The following NRG2 variants were observed in gnomAD, a reference collection of about 807,000 sequenced individuals.
The protein encoded by NRG2 is pro-neuregulin-2, membrane-bound isoform.
Under a neutral mutation model 73.9 loss-of-function variants are expected in NRG2, and 27 were observed. The ratio of observed to expected loss-of-function variants is 0.37; its 90% confidence interval spans 0.27 to 0.50. The LOEUF (loss-of-function observed/expected upper bound fraction) is 0.50, where lower values mean the gene tolerates loss of function less well. Among genes scored for constraint, NRG2 ranks in the 20% least tolerant of loss-of-function variants. The pLI is 0.96. For synonymous variants in NRG2, 532 were observed against 541.0 expected, an observed-to-expected ratio of 0.98 and a Z score of 0.23; for missense variants, 1,126 against 1,210.1, an observed-to-expected ratio of 0.93 and a Z score of 1.03.
intron 1 of NRG2, among the ~76,000 whole-genome samples, chr5:140,022,403 G>C (rs1760314994): frequency 6.6e-6 from 1 of 152,108 alleles, no homozygotes; most frequent in South Asian, 2.1e-4. Context: ...GTACCCTTAT[G>C]ATTTCACCAT....
Position 140,042,777 on chromosome 5 carries a change from G to T in NRG2, c.293C>A (p.Ala98Asp). The change falls in exon 1 of 10, where the codon GCC becomes GAC. Residue 98 changes from alanine to aspartate, a missense_variant. Physicochemically the swap from Ala to Asp is moderately radical, Grantham distance 126. Transcript: ENST00000361474. ...AAAGGMRRDP[A>D]PGFSMLLFGV... ...GAAGAGCAGCATGGAGAAGCCGGGG[G>T]CCGGGTCGCGCCTCATGCCGCCGGC... The T allele has an allele frequency of 6.5e-7, 1 of 1,526,928 alleles. No homozygotes were observed. The highest frequency in any genetic ancestry group is 8.8e-7 in the Non-Finnish European group (1 of 1,138,182). The allele number at this position is 1,526,928 out of a possible 1,614,324, so 94.6% of individuals were successfully genotyped here.
rs1752025744 is a variant in NRG2 at position 139,925,922 on chromosome 5, C to T, written c.701-38411G>A. Among the ~76,000 whole-genome samples the T allele has an allele frequency of 2.6e-5, 4 of 152,368 alleles. No individual in the cohort carries two copies. The East Asian group carries it at 7.7e-4, about 29-fold the overall frequency. On this transcript the variant is annotated intron_variant, in intron 1 of 9. Coordinates refer to ENST00000361474, the MANE Select transcript of NRG2 (RefSeq NM_004883.3). ...CCCAAGCAGCTCATCCATGGATGCA[C>T]TGAGGCAGCTCCTGACAGCTGGCCA...
chr5:139,867,787 T>TGTGTGTATGA (rs1762562920), intron 4 of NRG2, among the ~76,000 whole-genome samples: 14 of 137,158 alleles, frequency 1.0e-4, no homozygotes, highest in East Asian at 6.1e-4. Flanking sequence ...TGTGTGTGTG[T>TGTGTGTATGA]GTGTGTGTGT....
chr5:139,985,348 A>AT (rs1461376651), intron 1 of NRG2, among the ~76,000 whole-genome samples: 2 of 151,952 alleles, frequency 1.3e-5, no homozygotes, highest in African/African-American at 4.8e-5. Flanking sequence ...TCAAAAAAAA[A>AT]AAAAAAAAGT....
At chr5:139,866,389 C>T (rs1762473121) in intron 4 of NRG2, among the ~76,000 whole-genome samples, 1 of 152,030 alleles carries the variant, frequency 6.6e-6, no homozygotes, top group South Asian at 2.1e-4. Flanking sequence ...TTTTGAGGAA[C>T]CCTTGTGGTA....
intron 1 of NRG2, among the ~76,000 whole-genome samples, chr5:139,909,733 T>C (rs1230363617): frequency 6.6e-6 from 1 of 152,158 alleles, no homozygotes; most frequent in Non-Finnish European, 1.5e-5. Flanking sequence ...TTCCCAGTTA[T>C]CCAGAAGGAT....
chr5:139,876,714 T>C (rs922363273), intron 3 of NRG2, among the ~76,000 whole-genome samples: 1 of 152,004 alleles, frequency 6.6e-6, no homozygotes, highest in African/African-American at 2.4e-5. Flanking sequence ...TCAGGTCGAG[T>C]GCTCCTTTAT....
chr5:139,925,390 C>T (rs986170804), intron 1 of NRG2, among the ~76,000 whole-genome samples: 1 of 152,180 alleles, frequency 6.6e-6, no homozygotes, highest in Non-Finnish European at 1.5e-5. Flanking sequence ...GGACCTTCCT[C>T]TACATTCAAG....
rs116249905 is a variant in NRG2, at chr5:139,948,448, C to T, written c.701-60937G>A. 6.7e-3 allele frequency among the ~76,000 whole-genome samples: 1,016 copies of T among 152,280 alleles called. 4 individuals carry two copies. The highest frequency in any genetic ancestry group is 0.011 in the Non-Finnish European group (748 of 68,024). ...GCTTCACATATAATTGTTACCATCA[C>T]TTTGATTATCACTGCCACCATTCCA... On this transcript the variant is annotated intron_variant, in intron 1 of 9. Coordinates refer to ENST00000361474, the MANE Select transcript of NRG2 (RefSeq NM_004883.3).
chr5:139,847,943 C>T lies in NRG2; in HGVS notation c.2527G>A (p.Ala843Thr), dbSNP rs1761097254. The change falls in exon 10 of 10, where the codon GCC (alanine) becomes ACC (threonine). Residue 843 changes from alanine to threonine, a missense_variant. Physicochemically the swap from Ala to Thr is moderately conservative, Grantham distance 58 (BLOSUM62 0). This residue lies in a region of NRG2 where 402 missense variants were observed against 357.8 expected (regional missense o/e 1.12). Transcript: ENST00000361474. ...SRHSRGPPPR[A>T]KQDSAPL is the part of the protein sequence containing the mutation. ...TAGAGTGGCGCCGAGTCCTGCTTGG[C>T]CCGCGGGGGCGGCCCGCGGCTGTGT... 6.7e-7 allele frequency: 1 copy of T among 1,501,338 alleles called. No individual in the cohort carries two copies. Among genetic ancestry groups the T allele is most frequent in the Non-Finnish European group, 8.8e-7 (1 of 1,130,634 alleles). The allele number at this position is 1,501,338 out of a possible 1,614,324, so 93.0% of individuals were successfully genotyped here.
At chr5:139,895,921 G>A (rs57163327) in intron 1 of NRG2, among the ~76,000 whole-genome samples, 5,778 of 152,344 alleles carry the variant, frequency 0.038, 131 homozygotes, top group East Asian at 0.076. Flanking sequence ...AGGGCCAGCT[G>A]TGGGTGGACT....
Position 139,847,713 on chromosome 5 carries a change from C to A in NRG2, c.*204G>T. 2.7e-6 allele frequency: 1 copy of A among 375,838 alleles called. No homozygotes were observed. The highest frequency in any genetic ancestry group is 4.7e-6 in the Non-Finnish European group (1 of 214,026). The allele number at this position is 375,838 out of a possible 1,614,324, so 23.3% of individuals were successfully genotyped here. A position where few individuals can be genotyped will look rare whatever the true frequency, so the allele number is the denominator to read the frequency against. ...TCAGGATGTTACATATAAATAGTTT[C>A]CCTATAAAAACGCCTTTGCCGTTAG... is the stretch of plus-strand genomic sequence containing the variant. On this transcript the variant is annotated 3_prime_UTR_variant, in exon 10 of 10. Coordinates refer to ENST00000361474, the MANE Select transcript of NRG2 (RefSeq NM_004883.3).
At chr5:140,021,326 G>A (rs1266392097) in intron 1 of NRG2, among the ~76,000 whole-genome samples, 1 of 152,186 alleles carries the variant, frequency 6.6e-6, no homozygotes, top group African/African-American at 2.4e-5. Flanking sequence ...TGTTTTATGA[G>A]ACAAAGTCTG....
intron 1 of NRG2, among the ~76,000 whole-genome samples, chr5:139,945,269 ATTTG>A (rs1271225916): frequency 6.6e-6 from 1 of 151,862 alleles, no homozygotes; most frequent in African/African-American, 2.4e-5. Context: ...ATATAATCCC[ATTTG>A]TTTATTTTTG....
In NRG2 at chr5:139,960,641, T is replaced by C. The variant is rs984009466; in HGVS notation, c.701-73130A>G. Among the ~76,000 whole-genome samples the C allele has an allele frequency of 2.6e-5, 4 of 152,220 alleles. No homozygotes were observed. The East Asian group carries it at 7.7e-4, about 29-fold the overall frequency. Reference sequence around the variant, plus strand: ...GTGATTCAGTTTCCTCATCTGTAAATGGAAGTAATATAGCACCTGCATCCT... The same window carrying C: ...GTGATTCAGTTTCCTCATCTGTAAACGGAAGTAATATAGCACCTGCATCCT... On this transcript the variant is annotated intron_variant, in intron 1 of 9. Coordinates refer to ENST00000361474, the MANE Select transcript of NRG2 (RefSeq NM_004883.3).
At chr5:139,940,039 G>T (rs1753270071) in intron 1 of NRG2, among the ~76,000 whole-genome samples, 1 of 152,168 alleles carries the variant, frequency 6.6e-6, no homozygotes, top group African/African-American at 2.4e-5. Flanking sequence ...AGGTCAAATG[G>T]TACAGTTTGG....
chr5:139,889,768 C>A (rs1269631940), intron 1 of NRG2, among the ~76,000 whole-genome samples: 3 of 152,158 alleles, frequency 2.0e-5, no homozygotes, highest in Non-Finnish European at 2.9e-5. Context: ...GGCTTTCAAT[C>A]CAGACTTTGC....
intron 1 of NRG2, among the ~76,000 whole-genome samples, chr5:140,032,691 A>C (rs1317168389): frequency 6.6e-6 from 1 of 152,236 alleles, no homozygotes; most frequent in Admixed American, 6.5e-5. Flanking sequence ...ATACTGGCCC[A>C]TCAAAAGATA....
chr5:139,997,880 G>A (rs968144032), intron 1 of NRG2, among the ~76,000 whole-genome samples: 2 of 152,184 alleles, frequency 1.3e-5, no homozygotes, highest in Non-Finnish European at 2.9e-5. Context: ...GCCATGGGCC[G>A]GGTTTCCCGC....
Sources: allele counts gnomAD v4.1 joint callset (sites outside exome capture counted in the v4.1 genomes callset), GRCh38; gene constraint gnomAD v4.1.1; regional missense constraint gnomAD v4.1.1; transcripts MANE v1.5; gene names NCBI Gene and HGNC (gene_info 2026-07-23, HGNC 2026-07-21).